Variants in TGM2 observed in about 807,000 individuals in gnomAD.
The protein encoded by TGM2 is transglutaminase 2.
TGM2 carries 53 observed loss-of-function variants against 75.6 expected under a neutral mutation model. The observed-to-expected ratio is 0.70, with a 90% CI of 0.56 to 0.88. The LOEUF (loss-of-function observed/expected upper bound fraction) is 0.88. Among genes scored for constraint, TGM2 ranks in the 40% least tolerant of loss-of-function variants. The probability of loss-of-function intolerance (pLI) is 0.00; values close to 1 mark genes in which losing one functional copy is unlikely to be tolerated. For missense variants in TGM2, 842 were observed against 928.5 expected, an observed-to-expected ratio of 0.91 and a Z score of 1.21; for synonymous variants, 374 against 381.1, an observed-to-expected ratio of 0.98 and a Z score of 0.22.
chr20:38,165,476 C>T (rs1600528203), upstream of TGM2: 7 of 558,022 alleles, frequency 1.3e-5, no homozygotes, highest in South Asian at 1.3e-4. Flanking sequence ...GACAGGGACA[C>T]ACAACTAGCC....
chr20:38,154,362 G>A (rs1195327936), intron 3 of TGM2, among the ~76,000 whole-genome samples: 1 of 152,204 alleles, frequency 6.6e-6, no homozygotes, highest in African/African-American at 2.4e-5. Context: ...TTCCCAGGAG[G>A]GGCCTGGCCC....
At chr20:38,156,167 G>C in intron 2 of TGM2, 78 bp from the exon 3 acceptor site, 1 of 1,542,566 alleles carries the variant, frequency 6.5e-7, no homozygotes, top group Non-Finnish European at 8.8e-7. Flanking sequence ...GGGTCCCCCA[G>C]CTTGGGCTCC....
intron 2 of TGM2, among the ~76,000 whole-genome samples, chr20:38,159,619 G>A (rs1189231326): frequency 6.6e-6 from 1 of 152,204 alleles, no homozygotes; most frequent in Non-Finnish European, 1.5e-5. Flanking sequence ...TTTCACAGAG[G>A]AACACACTGA....
At chr20:38,163,523 G>C (rs1486591745) in intron 1 of TGM2, among the ~76,000 whole-genome samples, 1 of 152,180 alleles carries the variant, frequency 6.6e-6, no homozygotes, top group Non-Finnish European at 1.5e-5. Flanking sequence ...AGAGCAAGTG[G>C]CTGCTTTGGG....
chr20:38,149,936 G>C (rs1012965063), intron 4 of TGM2, among the ~76,000 whole-genome samples: 1 of 152,108 alleles, frequency 6.6e-6, no homozygotes, highest in Non-Finnish European at 1.5e-5. Context: ...GATCATACAG[G>C]GAAGATTTCC....
chr20:38,148,779 C>T (rs2075077747), intron 4 of TGM2, among the ~76,000 whole-genome samples: 2 of 152,178 alleles, frequency 1.3e-5, no homozygotes, highest in Admixed American at 1.3e-4. Context: ...AATGCTCTTC[C>T]CGCTGCTCTC....
In TGM2 at chr20:38,128,393, G is replaced by A. The variant is rs1280004811; in HGVS notation, c.*1826C>T. 6.6e-6 allele frequency: 1 copy of A among 152,174 alleles called. No homozygotes were observed. Among genetic ancestry groups the A allele is most frequent in the Non-Finnish European group, 1.5e-5 (1 of 68,056 alleles). The allele number at this position is 152,174 out of a possible 1,614,324, so 9.4% of individuals were successfully genotyped here. On this transcript the variant is annotated 3_prime_UTR_variant, in exon 13 of 13. Coordinates refer to ENST00000361475, the MANE Select transcript of TGM2 (RefSeq NM_004613.4). ...GAAAGACTCCTAGGCAGGAAGTGGGGGTCCAGGTGTGAGCGAGCTCACCTA... is the reference window on the plus strand; with the variant it reads ...GAAAGACTCCTAGGCAGGAAGTGGGAGTCCAGGTGTGAGCGAGCTCACCTA...
chr20:38,137,789 C>G (rs1030315699), intron 10 of TGM2, among the ~76,000 whole-genome samples: 4 of 152,106 alleles, frequency 2.6e-5, no homozygotes, highest in African/African-American at 9.7e-5. Flanking sequence ...AGGGGTCACA[C>G]GAAGATGAGG....
At position 38,155,959 on chromosome 20, in the gene TGM2, C is replaced by T. The variant is rs1168410368; in HGVS notation, c.321G>A (p.Pro107=). ...DCTLSLQLTT[P]ANAPIGLYRL... is the part of the protein sequence containing the mutation. ...GATACAGGCCGATGGGGGCGTTGGC[C>T]GGGGTGGTGAGCTGCAGCGAGAGGG... The change falls in exon 3 of 13, where the codon CCG becomes CCA. Residue 107 remains proline, a synonymous_variant. Coordinates refer to ENST00000361475, the MANE Select transcript of TGM2 (RefSeq NM_004613.4). The T allele has an allele frequency of 2.4e-5, 39 of 1,612,782 alleles. No homozygotes were observed. The highest frequency in any genetic ancestry group is 1.2e-4 in the Admixed American group (7 of 59,826).
intron 4 of TGM2, among the ~76,000 whole-genome samples, chr20:38,149,690 A>AAAAAAAAAAAAAAAAAAAAC (rs1457426013): frequency 2.0e-5 from 3 of 148,898 alleles, no homozygotes; most frequent in African/African-American, 7.6e-5. Flanking sequence ...AAAAAAAAAA[A>AAAAAAAAAAAAAAAAAAAAC]AAAAAAAAAA....
rs1420053633 is a variant in TGM2 at position 38,157,173 on chromosome 20, C to T, written c.191-1084G>A. ...CCTCCTTGCAGCTCTGCCCACCCAC[C>T]GTGGACATTATTGGGGCCTGCTCAC... On this transcript the variant is annotated intron_variant, in intron 2 of 12. Coordinates refer to ENST00000361475, the MANE Select transcript of TGM2 (RefSeq NM_004613.4). Among the ~76,000 whole-genome samples, 5 of 152,160 alleles carry T rather than the reference C, an allele frequency of 3.3e-5. No homozygotes were observed. In the South Asian group the frequency reaches 6.2e-4, roughly 19 times the overall value.
upstream of TGM2, among the ~76,000 whole-genome samples, chr20:38,167,711 G>A (rs1423292480): frequency 2.6e-5 from 4 of 152,160 alleles, no homozygotes; most frequent in Non-Finnish European, 5.9e-5. Context: ...GCCCCCAAAA[G>A]TGTTTGATTT....
intron 10 of TGM2, 61 bp downstream of exon 10, chr20:38,138,052 T>C: frequency 5.2e-6 from 8 of 1,524,310 alleles, no homozygotes; most frequent in Non-Finnish European, 7.1e-6. Flanking sequence ...AGTGGTTAGG[T>C]CACTACCTAG....
Position 38,129,191 on chromosome 20 carries a change from G to A in TGM2, c.*1028C>T. 6.6e-6 allele frequency: 1 copy of A among 152,316 alleles called. No homozygotes were observed. Among genetic ancestry groups the A allele is most frequent in the East Asian group, 1.9e-4 (1 of 5,192 alleles). 9.4% of individuals were successfully genotyped at this position (152,316 alleles called of 1,614,324 possible). ...AGCATTGCAAACATGGAGTGGAGAGGATCCTTGGAGATGAGCTGGTTCAAT... is the reference window on the plus strand; with the variant it reads ...AGCATTGCAAACATGGAGTGGAGAGAATCCTTGGAGATGAGCTGGTTCAAT... On this transcript the variant is annotated 3_prime_UTR_variant, in exon 13 of 13. Transcript: ENST00000361475.
intron 12 of TGM2, 107 bp downstream of exon 12, chr20:38,130,986 A>G: frequency 6.4e-7 from 1 of 1,551,466 alleles, no homozygotes; most frequent in South Asian, 1.1e-5. Context: ...GTGGGAGATG[A>G]GAGGAGGGGA....
intron 1 of TGM2, 89 bp from the exon 2 acceptor site, chr20:38,161,688 G>A (rs755497629): frequency 2.8e-5 from 41 of 1,482,866 alleles, no homozygotes; most frequent in Non-Finnish European, 3.8e-5. Context: ...TGGGGGCCTT[G>A]TGCCCTCTTA....
At chr20:38,130,542 T>G (rs45593647) in intron 12 of TGM2, among the ~76,000 whole-genome samples, 173 bp from the exon 13 acceptor site, 1 of 152,202 alleles carries the variant, frequency 6.6e-6, no homozygotes, top group African/African-American at 2.4e-5. Context: ...GAGTGAACAG[T>G]GCCTGTGCAC....
chr20:38,132,262 G>T, intron 11 of TGM2, 78 bp downstream of exon 11: 2 of 1,528,122 alleles, frequency 1.3e-6, no homozygotes, highest in South Asian at 1.1e-5. Flanking sequence ...GCAGGTGTGT[G>T]GGGTGGGGGT....
Position 38,138,255 on chromosome 20 carries a change from G to A in TGM2, c.1473C>T (p.Val491=), listed in dbSNP as rs2074924990. ...CGGTGTTGTTGGTGATGTGGGCAAA[G>A]ACGTCAAAGTCACTGCCCATGTTCA... The part of the protein sequence containing the change: ...QSMNMGSDFD[V]FAHITNNTAE... The change falls in exon 10 of 13, where the codon GTC becomes GTT. Residue 491 remains valine (V), a synonymous_variant. Transcript: ENST00000361475. 6.2e-7 allele frequency: 1 copy of A among 1,613,954 alleles called. No individual in the cohort carries two copies.
Sources: gnomAD v4.1 joint callset for allele counts (sites outside exome capture counted in the v4.1 genomes callset) on GRCh38, gnomAD v4.1.1 for gene constraint, MANE v1.5 for transcripts, NCBI Gene and HGNC (gene_info 2026-07-23, HGNC 2026-07-21) for gene names.